Variants in LITAF observed in about 807,000 individuals in gnomAD.
LITAF encodes the protein lipopolysaccharide-induced tumor necrosis factor-alpha factor.
In LITAF, 9 loss-of-function variants were observed where a neutral mutation model predicts 14.5. The ratio of observed to expected loss-of-function variants is 0.62; its 90% CI spans 0.37 to 1.08. The LOEUF is 1.08. Ranked by LOEUF, LITAF falls within the 50% of genes least tolerant of loss-of-function variation. The pLI is 0.01. For synonymous variants in LITAF, 98 were observed against 88.2 expected (o/e 1.11, Z -0.62); for missense variants, 206 against 213.4 (o/e 0.97, Z 0.22).
At chr16:11,601,099 A>G (rs568120265), upstream of LITAF, among the ~76,000 whole-genome samples, 1 of 152,000 alleles carries the variant, frequency 6.6e-6, no homozygotes, top group East Asian at 1.9e-4. Context: ...AATGGGGAGA[A>G]TCCTGATTCT....
At position 11,625,185 on chromosome 16, in the gene LITAF, G is replaced by A. The variant is rs569484012; in HGVS notation, c.85+8348C>T. On this transcript the variant is annotated intron_variant, in intron 3 of 3. Transcript: ENST00000574848. The stretch of plus-strand genomic sequence containing the variant: ...GTGAAATTTGGAGAGTGGAGACAAA[G>A]CAGTGGCCGTGACTCTCTGAAGGTC... 7.7e-4 allele frequency among the ~76,000 whole-genome samples: 117 copies of A among 152,118 alleles called. 1 individual carries two copies. The highest frequency in any genetic ancestry group is 3.9e-4 in the East Asian group (2 of 5,174).
At chr16:11,554,061 T>A (rs970046492) in intron 2 of LITAF, among the ~76,000 whole-genome samples, 1 of 152,006 alleles carries the variant, frequency 6.6e-6, no homozygotes, top group Non-Finnish European at 1.5e-5. Context: ...CAAGACCTCA[T>A]CTCTACAAAA....
At position 11,556,337 on chromosome 16, in the gene LITAF, C is replaced by G. The variant is rs2064267382; in HGVS notation, c.220+174G>C. The G allele has an allele frequency of 9.8e-6, 6 of 614,332 alleles. 1 individual carries two copies. In the South Asian group the frequency reaches 1.3e-4, roughly 13 times the overall value. 38.1% of individuals were successfully genotyped at this position (614,332 alleles called of 1,614,324 possible). On this transcript the variant is annotated intron_variant, in intron 2 of 3. Transcript: ENST00000622633. The stretch of plus-strand genomic sequence containing the variant: ...TACTTTATTACGGAAAAGCTGTGAG[C>G]CTCACCAACATGGAATCTAAAAGAC...
At chr16:11,604,645 A>T (rs1376035976) in intron 3 of LITAF, among the ~76,000 whole-genome samples, 150 of 1,974 alleles carry the variant, frequency 0.076, 1 homozygote, top group African/African-American at 0.26. Context: ...TGTCTCTCTT[A>T]AAAAAAAAAA....
At chr16:11,639,619 TAA>T (rs34112249), upstream of LITAF, among the ~76,000 whole-genome samples, 49 of 150,430 alleles carry the variant, frequency 3.3e-4, no homozygotes, top group African/African-American at 6.4e-4. Context: ...GAAAGATTTT[TAA>T]AAAAAAAAAA....
At chr16:11,596,918 C>T (rs1250112549) in intron 1 of LITAF, among the ~76,000 whole-genome samples, 3 of 152,078 alleles carry the variant, frequency 2.0e-5, no homozygotes, top group Non-Finnish European at 4.4e-5. Flanking sequence ...AGCACTTTTA[C>T]ATCCACCATC....
upstream of LITAF, among the ~76,000 whole-genome samples, chr16:11,602,931 C>A (rs894659224): frequency 1.4e-4 from 22 of 151,728 alleles, no homozygotes; most frequent in African/African-American, 5.1e-4. Flanking sequence ...GGCAACCCAG[C>A]GAGACCCCAT....
At chr16:11,622,140 G>A (rs2065054601) in intron 3 of LITAF, among the ~76,000 whole-genome samples, 1 of 152,156 alleles carries the variant, frequency 6.6e-6, no homozygotes, top group African/African-American at 2.4e-5. Flanking sequence ...GTGTTTGGGG[G>A]ACCCGCCCTG....
At chr16:11,561,471 G>A (rs928875905) in intron 1 of LITAF, 1 of 152,194 alleles carries the variant, frequency 6.6e-6, no homozygotes, top group African/African-American at 2.4e-5. Flanking sequence ...CCTTTATTGA[G>A]ACCATCTTTC....
chr16:11,560,516 G>C (rs924211620), intron 1 of LITAF, among the ~76,000 whole-genome samples: 1 of 151,480 alleles, frequency 6.6e-6, no homozygotes, highest in African/African-American at 2.4e-5. Context: ...CTGGGAGGCA[G>C]AGGTTGCAGC....
intron 1 of LITAF, among the ~76,000 whole-genome samples, chr16:11,559,213 G>A (rs963002688): frequency 9.2e-5 from 14 of 151,948 alleles, no homozygotes; most frequent in African/African-American, 3.1e-4. Context: ...CCATGATCAT[G>A]CCACTGCACT....
chr16:11,623,529 G>C (rs773299876), intron 3 of LITAF, among the ~76,000 whole-genome samples: 1 of 151,626 alleles, frequency 6.6e-6, no homozygotes, highest in Non-Finnish European at 1.5e-5. Context: ...GCAAGGTGGC[G>C]CATGACTGTA....
At chr16:11,631,352 C>G (rs2065116930) in intron 3 of LITAF, among the ~76,000 whole-genome samples, 1 of 152,166 alleles carries the variant, frequency 6.6e-6, no homozygotes, top group Admixed American at 6.5e-5. Context: ...CTTCTGGTGG[C>G]TCCAGGCATC....
intron 1 of LITAF, among the ~76,000 whole-genome samples, chr16:11,576,013 T>C (rs2141814021): frequency 6.6e-6 from 1 of 152,196 alleles, no homozygotes; most frequent in African/African-American, 2.4e-5. Context: ...CTCGACCAGC[T>C]GGGACTCCAG....
At chr16:11,614,280 C>A (rs2065003004) in intron 3 of LITAF, among the ~76,000 whole-genome samples, 1 of 150,164 alleles carries the variant, frequency 6.7e-6, no homozygotes, top group African/African-American at 2.5e-5. Context: ...CTTCTTTCCT[C>A]TTCTTTCTTT....
At chr16:11,551,553 C>A (rs981708551) in intron 3 of LITAF, among the ~76,000 whole-genome samples, 22 of 152,166 alleles carry the variant, frequency 1.4e-4, no homozygotes, top group Admixed American at 8.5e-4. Flanking sequence ...ATGTAAGTTT[C>A]TATTCCTCTA....
intron 3 of LITAF, among the ~76,000 whole-genome samples, chr16:11,622,514 A>G (rs2065057595): frequency 6.6e-6 from 1 of 151,998 alleles, no homozygotes; most frequent in African/African-American, 2.4e-5. Context: ...GTGCAGATGG[A>G]GGAGGCTGTC....
At chr16:11,631,924 ACTGCAATCTCTGCCTCC>A (rs1472284068) in intron 3 of LITAF, among the ~76,000 whole-genome samples, 70 of 148,614 alleles carry the variant, frequency 4.7e-4, no homozygotes, top group South Asian at 8.4e-4. Context: ...ATCTCAGCTC[ACTGCAATCTCTGCCTCC>A]CTGCAATCTC....
chr16:11,583,380 T>C (rs35592815), intron 1 of LITAF, among the ~76,000 whole-genome samples: 21,186 of 152,202 alleles, frequency 0.14, 1,725 homozygotes, highest in South Asian at 0.22. Flanking sequence ...TCTGGACTCC[T>C]GGTGAAACCA....
Sources: gnomAD v4.1 joint callset for allele counts (sites outside exome capture counted in the v4.1 genomes callset) on GRCh38, gnomAD v4.1.1 for gene constraint, MANE v1.5 for transcripts, NCBI Gene and HGNC (gene_info 2026-07-23, HGNC 2026-07-21) for gene names.